The following AMMECR1 variants were observed in gnomAD, a reference collection of about 807,000 sequenced individuals.
AMMECR1 encodes the protein AMMECR nuclear protein 1.
AMMECR1 carries 3 observed loss-of-function variants against 22.5 expected under a neutral mutation model. That is an observed-to-expected ratio of 0.13 (90% CI 0.06 to 0.35). The LOEUF is 0.35. Ranked by LOEUF, AMMECR1 falls within the 10% of genes least tolerant of loss-of-function variation. AMMECR1 has a pLI of 1.00. For missense variants in AMMECR1, 235 were observed against 278.7 expected (o/e 0.84, Z 1.12); for synonymous variants, 130 against 116.7 (o/e 1.11, Z -0.74).
intron 2 of AMMECR1, among the ~76,000 whole-genome samples, chrX:110,328,771 C>A (rs1319956750): frequency 9.0e-6 from 1 of 111,163 alleles, no homozygotes; most frequent in Non-Finnish European, 1.9e-5. Flanking sequence ...CCAGCTTCAT[C>A]CATGTCCCTG....
intron 1 of AMMECR1, among the ~76,000 whole-genome samples, chrX:110,316,875 G>C (rs1209017870): frequency 9.6e-6 from 1 of 103,973 alleles, no homozygotes; most frequent in Non-Finnish European, 1.9e-5. Context: ...AGTTCTCTTT[G>C]AATGAGCTAT....
intron 2 of AMMECR1, among the ~76,000 whole-genome samples, chrX:110,412,561 A>G (rs923149709): frequency 8.9e-6 from 1 of 112,231 alleles, no homozygotes; most frequent in Non-Finnish European, 1.9e-5. Context: ...TGGGAAAAGT[A>G]ACAATTCATG....
chrX:110,379,277 G>A (rs1228732936), intron 2 of AMMECR1, among the ~76,000 whole-genome samples: 1 of 111,926 alleles, frequency 8.9e-6, no homozygotes, highest in Non-Finnish European at 1.9e-5. Flanking sequence ...ATTTTCATCT[G>A]ATATTAGTTC....
chrX:110,311,223 T>C (rs1425807856), intron 1 of AMMECR1, among the ~76,000 whole-genome samples: 2 of 111,757 alleles, frequency 1.8e-5, no homozygotes, highest in African/African-American at 6.5e-5. Context: ...ACTCTACCAA[T>C]AATTTCTGTA....
At chrX:110,254,204 T>C (rs2067699496) in intron 2 of AMMECR1, among the ~76,000 whole-genome samples, 1 of 111,874 alleles carries the variant, frequency 8.9e-6, no homozygotes, top group Admixed American at 9.6e-5. Context: ...TCTACATCGG[T>C]ACATGTTAAA....
At chrX:110,391,218 A>T (rs989627337) in intron 2 of AMMECR1, among the ~76,000 whole-genome samples, 1 of 110,969 alleles carries the variant, frequency 9.0e-6, no homozygotes, top group Non-Finnish European at 1.9e-5. Flanking sequence ...CCCCACATTC[A>T]CACTGAGGCT....
chrX:110,432,298 G>A (rs1329175921), intron 1 of AMMECR1, among the ~76,000 whole-genome samples: 2 of 112,312 alleles, frequency 1.8e-5, no homozygotes, highest in African/African-American at 3.2e-5. Flanking sequence ...GAGCCACATG[G>A]CGGCTTCCTA....
At chrX:110,325,378 T>C (rs925562001) in intron 2 of AMMECR1, among the ~76,000 whole-genome samples, 6 of 111,949 alleles carry the variant, frequency 5.4e-5, no homozygotes, top group Non-Finnish European at 1.1e-4. Flanking sequence ...AAATACCAGA[T>C]CTTATTCATT....
Position 110,246,814 on chromosome X carries a change from T to C in AMMECR1, c.584+17675A>G, listed in dbSNP as rs145107367. ...AGAAGAAATCTGCAGTGTAAAAGTG[T>C]AGAGCCATGAGCATTTACTAGTTTA... On this transcript the variant is annotated intron_variant, in intron 2 of 5. Transcript: ENST00000262844. Among the ~76,000 whole-genome samples, 4 of 112,560 alleles carry C rather than the reference T, an allele frequency of 3.6e-5. No individual in the cohort carries two copies. The East Asian group carries it at 1.1e-3, about 31-fold the overall frequency.
intron 2 of AMMECR1, among the ~76,000 whole-genome samples, chrX:110,232,610 G>A (rs1602804672): frequency 9.0e-6 from 1 of 111,003 alleles, no homozygotes; most frequent in South Asian, 3.8e-4. Flanking sequence ...AAAAGAACTA[G>A]CTGGGCACCG....
At position 110,362,020 on chromosome X, in the gene AMMECR1, C is replaced by G. The variant is rs919535034; in HGVS notation, c.-147-44171G>C. 4.5e-5 allele frequency among the ~76,000 whole-genome samples: 5 copies of G among 111,974 alleles called. No homozygotes were observed. The Admixed American group carries it at 4.8e-4, about 11-fold the overall frequency. On this transcript the variant is annotated intron_variant, in intron 2 of 7. Transcript: ENST00000372057. ...TGCTAGAATGTAAATTCCAGGAGGG[C>G]AAGGACTTTTGTTTACTGCTGTATC...
chrX:110,339,604 C>T (rs2068155889), intron 2 of AMMECR1, among the ~76,000 whole-genome samples: 1 of 110,677 alleles, frequency 9.0e-6, no homozygotes, highest in Admixed American at 9.6e-5. Flanking sequence ...TCAAGCGATT[C>T]TCCTGCCTCA....
intron 1 of AMMECR1, among the ~76,000 whole-genome samples, chrX:110,314,703 T>G (rs1386280256): frequency 1.8e-5 from 2 of 112,034 alleles, no homozygotes; most frequent in African/African-American, 6.5e-5. Context: ...CAAAATGCAG[T>G]AAAGTTAAGT....
intron 1 of AMMECR1, among the ~76,000 whole-genome samples, chrX:110,269,487 ATAAT>A (rs1246239907): frequency 9.4e-6 from 1 of 106,025 alleles, no homozygotes; most frequent in Non-Finnish European, 1.9e-5. Context: ...AATAATTATA[ATAAT>A]TAATAGAATA....
intron 2 of AMMECR1, among the ~76,000 whole-genome samples, chrX:110,226,606 CAAAACA>C (rs368576707): frequency 1.8e-5 from 2 of 110,301 alleles, no homozygotes; most frequent in Non-Finnish European, 3.8e-5. Context: ...GACTCCATCT[CAAAACA>C]AAAACAAAAA....
chrX:110,300,613 T>C (rs1445666160), intron 1 of AMMECR1, among the ~76,000 whole-genome samples: 1 of 112,262 alleles, frequency 8.9e-6, no homozygotes, highest in African/African-American at 3.2e-5. Context: ...TGAGTAGGAA[T>C]TGAGAGTTGC....
chrX:110,380,565 A>G, intron 2 of AMMECR1, among the ~76,000 whole-genome samples: 2 of 111,855 alleles, frequency 1.8e-5, no homozygotes, highest in Admixed American at 1.9e-4. Flanking sequence ...CAAATAACCA[A>G]TGTCACTTTT....
chrX:110,235,387 T>C (rs1359863919), intron 2 of AMMECR1, among the ~76,000 whole-genome samples: 1 of 112,054 alleles, frequency 8.9e-6, no homozygotes, highest in African/African-American at 3.2e-5. Flanking sequence ...TTGGTGGGAG[T>C]ATAAATTGGT....
intron 1 of AMMECR1, among the ~76,000 whole-genome samples, chrX:110,433,748 T>C (rs2068816083): frequency 8.9e-6 from 1 of 112,290 alleles, no homozygotes; most frequent in Non-Finnish European, 1.9e-5. Flanking sequence ...TTTCTTCTTA[T>C]CATGATCATC....
Sources: gnomAD v4.1 joint callset for allele counts (sites outside exome capture counted in the v4.1 genomes callset) on GRCh38, gnomAD v4.1.1 for gene constraint, MANE v1.5 for transcripts, NCBI Gene and HGNC (gene_info 2026-07-23, HGNC 2026-07-21) for gene names.